ANO3: variants seen among roughly 807,000 people sequenced by gnomAD.
The protein encoded by ANO3 is anoctamin 3.
ANO3 carries 99 observed loss-of-function variants against 144.8 expected under a neutral mutation model. The ratio of observed to expected loss-of-function variants is 0.68; its 90% CI spans 0.58 to 0.81. ANO3 has a LOEUF of 0.81. ANO3 is among the 30% of genes least tolerant of loss of function. ANO3 has a pLI of 0.00. For synonymous variants in ANO3, 414 were observed against 392.6 expected, an observed-to-expected ratio of 1.05 and a Z score of -0.64; for missense variants, 905 against 1,202.2, an observed-to-expected ratio of 0.75 and a Z score of 3.66.
chr11:26,272,931 TCG>T (rs1223888179), intron 1 of ANO3, among the ~76,000 whole-genome samples: 7 of 152,206 alleles, frequency 4.6e-5, no homozygotes, highest in Non-Finnish European at 1.0e-4. Context: ...GGGTACATGC[TCG>T]ATACTTAACA....
Position 26,506,715 on chromosome 11 carries a change from T to C in ANO3, c.433-1389T>C, listed in dbSNP as rs142680065. Among the ~76,000 whole-genome samples the C allele has an allele frequency of 2.0e-5, 3 of 152,330 alleles. No homozygotes were observed. The East Asian group carries it at 5.8e-4, about 29-fold the overall frequency. ...TACTATAAATTTATGCACTTGAACT[T>C]AATCTCTCTGCAGAACTACAGCCAA... On this transcript the variant is annotated intron_variant, in intron 4 of 26. Coordinates refer to ENST00000256737, the MANE Select transcript of ANO3 (RefSeq NM_031418.4).
chr11:26,405,468 A>G (rs1236022809), intron 1 of ANO3, among the ~76,000 whole-genome samples: 1 of 151,872 alleles, frequency 6.6e-6, no homozygotes, highest in Non-Finnish European at 1.5e-5. Flanking sequence ...GTAGCAGGAT[A>G]TGACTGAAAA....
chr11:26,343,519 G>A (rs1017463854), intron 1 of ANO3, among the ~76,000 whole-genome samples: 5 of 152,108 alleles, frequency 3.3e-5, no homozygotes, highest in African/African-American at 1.2e-4. Context: ...GAGTATGTAA[G>A]GATTCCCCTT....
intron 15 of ANO3, 88 bp downstream of exon 15, chr11:26,598,535 TTAA>T (rs1458154986): frequency 2.2e-6 from 2 of 891,966 alleles, no homozygotes; most frequent in Non-Finnish European, 3.5e-6. Flanking sequence ...CTGGAAGCAG[TTAA>T]CCACCATTAG....
At chr11:26,285,212 C>G (rs1369467321) in intron 1 of ANO3, among the ~76,000 whole-genome samples, 1 of 151,774 alleles carries the variant, frequency 6.6e-6, no homozygotes, top group Non-Finnish European at 1.5e-5. Flanking sequence ...TGTAAAAGAG[C>G]CTGAAGTCTT....
At chr11:26,473,549 T>G (rs964698963) in intron 4 of ANO3, among the ~76,000 whole-genome samples, 2 of 151,728 alleles carry the variant, frequency 1.3e-5, no homozygotes, top group African/African-American at 4.8e-5. Flanking sequence ...AAAAAAAAAT[T>G]ACAGGAATTC....
intron 17 of ANO3, among the ~76,000 whole-genome samples, chr11:26,624,178 T>C (rs568352083): frequency 6.6e-6 from 1 of 152,262 alleles, no homozygotes; most frequent in East Asian, 1.9e-4. Context: ...ATTTACAAAA[T>C]GAAAATGAAG....
intron 4 of ANO3, among the ~76,000 whole-genome samples, chr11:26,495,988 T>A (rs975107004): frequency 1.3e-5 from 2 of 152,240 alleles, no homozygotes; most frequent in African/African-American, 2.4e-5. Context: ...AAATTTTGAT[T>A]CTTTGATATA....
chr11:26,358,509 G>T (rs1362531746), intron 1 of ANO3, among the ~76,000 whole-genome samples: 1 of 151,776 alleles, frequency 6.6e-6, no homozygotes, highest in Non-Finnish European at 1.5e-5. Context: ...ATTTTTATTG[G>T]GATTGTATTG....
chr11:26,557,424 G>A (rs1850117868), intron 13 of ANO3, among the ~76,000 whole-genome samples: 1 of 147,736 alleles, frequency 6.8e-6, no homozygotes, highest in Admixed American at 6.8e-5. Context: ...TCACACCACT[G>A]CTCTCCAGCC....
intron 5 of ANO3, among the ~76,000 whole-genome samples, chr11:26,514,016 T>G (rs944528198): frequency 6.6e-6 from 1 of 151,592 alleles, no homozygotes; most frequent in Non-Finnish European, 1.5e-5. Context: ...AGTATAGGCA[T>G]AGAATAATTT....
At chr11:26,289,635 T>C (rs1238920099) in intron 1 of ANO3, among the ~76,000 whole-genome samples, 1 of 89,980 alleles carries the variant, frequency 1.1e-5, no homozygotes, top group Non-Finnish European at 2.1e-5. Context: ...TGTGTATATG[T>C]ACATATACAC....
chr11:26,524,993 A>G (rs1198251677), intron 6 of ANO3, among the ~76,000 whole-genome samples: 1 of 152,168 alleles, frequency 6.6e-6, no homozygotes, highest in Non-Finnish European at 1.5e-5. Flanking sequence ...TCAAGATTCA[A>G]TACAGGTGAC....
chr11:26,407,593 C>G (rs1011546140), intron 1 of ANO3, among the ~76,000 whole-genome samples: 1 of 151,854 alleles, frequency 6.6e-6, no homozygotes, highest in African/African-American at 2.4e-5. Flanking sequence ...CTGAAGCATC[C>G]TATTTATGTC....
chr11:26,282,646 C>T (rs746593348), intron 1 of ANO3, among the ~76,000 whole-genome samples: 19 of 151,896 alleles, frequency 1.3e-4, no homozygotes, highest in Non-Finnish European at 2.4e-4. Flanking sequence ...ATCTACATGA[C>T]TAAAAAGAAA....
intron 1 of ANO3, among the ~76,000 whole-genome samples, chr11:26,411,831 A>T (rs1242388482): frequency 6.6e-6 from 1 of 151,696 alleles, no homozygotes; most frequent in Non-Finnish European, 1.5e-5. Context: ...GACACTTTCT[A>T]TTTGAAGATT....
At position 26,466,273 on chromosome 11, in the gene ANO3, TTTAG is replaced by T. The variant is rs551701352; in HGVS notation, c.432+3130_432+3133del. Among the ~76,000 whole-genome samples, 306 of 152,120 alleles carry T rather than the reference TTTAG, an allele frequency of 2.0e-3. 1 individual carries two copies. Among genetic ancestry groups the T allele is most frequent in the African/African-American group, 7.0e-3 (291 of 41,538 alleles). ...GCACTAAACATGGTTTAAATCTGTA[TTTAG>T]TTAGCCTCAAGCTTTACAATAGGAG... On this transcript the variant is annotated intron_variant, in intron 4 of 26. Coordinates refer to ENST00000256737, the MANE Select transcript of ANO3 (RefSeq NM_031418.4).
intron 1 of ANO3, among the ~76,000 whole-genome samples, chr11:26,435,824 GT>G (rs1858275326): frequency 6.6e-6 from 1 of 151,964 alleles, no homozygotes; most frequent in Non-Finnish European, 1.5e-5. Flanking sequence ...CCTGGATTGG[GT>G]TTTGCCATTC....
chr11:26,395,201 G>T lies in ANO3; in HGVS notation c.47-46717G>T, dbSNP rs370613997. Among the ~76,000 whole-genome samples the T allele has an allele frequency of 5.9e-5, 9 of 152,256 alleles. 1 individual carries two copies. The highest frequency in any genetic ancestry group is 2.2e-4 in the African/African-American group (9 of 41,562). On this transcript the variant is annotated intron_variant, in intron 1 of 26. Coordinates refer to ENST00000256737, the MANE Select transcript of ANO3 (RefSeq NM_031418.4). ...AGCCTTGTAGTATAGTTTGAAGTCA[G>T]GTAGTCTGATGTCTCCAGCTCTGTT...
Sources: allele counts gnomAD v4.1 joint callset (sites outside exome capture counted in the v4.1 genomes callset), GRCh38; gene constraint gnomAD v4.1.1; transcripts MANE v1.5; gene names NCBI Gene and HGNC (gene_info 2026-07-23, HGNC 2026-07-21).